TMEM132B: variants seen among roughly 807,000 people sequenced by gnomAD.
TMEM132B encodes the protein transmembrane protein 132B.
A neutral mutation model predicts 90.8 loss-of-function variants in TMEM132B; 18 were observed. The ratio of observed to expected loss-of-function variants is 0.20; its 90% CI spans 0.14 to 0.29. The LOEUF (loss-of-function observed/expected upper bound fraction) is 0.29. Among genes scored for constraint, TMEM132B ranks in the 10% least tolerant of loss-of-function variants. The probability of loss-of-function intolerance (pLI) is 1.00; values close to 1 mark genes in which losing one functional copy is unlikely to be tolerated. For missense variants in TMEM132B, 1,096 were observed against 1,326.8 expected (o/e 0.83, Z 2.70); for synonymous variants, 504 against 523.3 (o/e 0.96, Z 0.50).
At chr12:125,493,661 T>C (rs1260360497) in intron 3 of TMEM132B, among the ~76,000 whole-genome samples, 1 of 152,008 alleles carries the variant, frequency 6.6e-6, no homozygotes, top group Non-Finnish European at 1.5e-5. Context: ...TGCACTGGCA[T>C]TGATGGGAGA....
intron 2 of TMEM132B, among the ~76,000 whole-genome samples, chr12:125,378,783 G>A (rs1418590210): frequency 6.6e-6 from 1 of 152,206 alleles, no homozygotes; most frequent in East Asian, 1.9e-4. Flanking sequence ...CAAGTTTATA[G>A]GTCAATAAGG....
chr12:125,504,368 T>G (rs1882777127), intron 3 of TMEM132B, among the ~76,000 whole-genome samples: 1 of 152,002 alleles, frequency 6.6e-6, no homozygotes, highest in Non-Finnish European at 1.5e-5. Flanking sequence ...TCTGTCTCTC[T>G]TCCTCTCTTT....
intron 4 of TMEM132B, among the ~76,000 whole-genome samples, chr12:125,535,712 C>A (rs899798170): frequency 3.3e-5 from 5 of 152,120 alleles, no homozygotes; most frequent in African/African-American, 1.2e-4. Context: ...TAGAAAAGAC[C>A]AAGAGAGGGG....
intron 4 of TMEM132B, among the ~76,000 whole-genome samples, chr12:125,568,650 C>T (rs1884719361): frequency 6.6e-6 from 1 of 152,194 alleles, no homozygotes; most frequent in Non-Finnish European, 1.5e-5. Context: ...CCCCCTCTGG[C>T]TCTTTTGATG....
intron 4 of TMEM132B, among the ~76,000 whole-genome samples, chr12:125,538,451 A>G (rs1172678182): frequency 6.6e-6 from 1 of 152,196 alleles, no homozygotes; most frequent in Non-Finnish European, 1.5e-5. Flanking sequence ...GTGGCACTCT[A>G]GCAAGCACAT....
At chr12:125,306,307 T>C (rs1230554227) in intron 1 of TMEM132B, among the ~76,000 whole-genome samples, 1 of 152,226 alleles carries the variant, frequency 6.6e-6, no homozygotes, top group Non-Finnish European at 1.5e-5. Flanking sequence ...TCTTGGAGCC[T>C]CAGGTTTTAG....
intron 3 of TMEM132B, among the ~76,000 whole-genome samples, chr12:125,480,483 C>G (rs1882009465): frequency 6.6e-6 from 1 of 152,228 alleles, no homozygotes; most frequent in African/African-American, 2.4e-5. Context: ...ATAAACACCT[C>G]TACGCAAATA....
Position 125,186,542 on chromosome 12 carries a change from C to A in TMEM132B, c.-258C>A, listed in dbSNP as rs1044470380. Among the ~76,000 whole-genome samples, 2 of 146,736 alleles carry A rather than the reference C, an allele frequency of 1.4e-5. No individual in the cohort carries two copies. The highest frequency in any genetic ancestry group is 4.9e-5 in the African/African-American group (2 of 41,010). On this transcript the variant is annotated 5_prime_UTR_variant, in exon 1 of 9. Transcript: ENST00000682704. This position sits in a 1 kb window ranked among gnomAD's most constrained non-coding sequence, Gnocchi z 6.3. ...CAACTCGGGCCAACTGCGGGGCAGCCGGCCAGGGCGCGGGGCGCTGAGCCT... is the reference window on the plus strand; with the variant it reads ...CAACTCGGGCCAACTGCGGGGCAGCAGGCCAGGGCGCGGGGCGCTGAGCCT...
intron 3 of TMEM132B, among the ~76,000 whole-genome samples, chr12:125,501,591 C>G (rs556213062): frequency 1.2e-4 from 18 of 152,216 alleles, no homozygotes; most frequent in African/African-American, 3.4e-4. Flanking sequence ...CATGTGTTCT[C>G]ATTGTTCAGC....
intron 1 of TMEM132B, among the ~76,000 whole-genome samples, chr12:125,325,523 G>A (rs1385863288): frequency 3.9e-5 from 6 of 152,204 alleles, no homozygotes; most frequent in Admixed American, 6.5e-5. Context: ...CGCACGGATT[G>A]TGGCATTTGA....
intron 5 of TMEM132B, among the ~76,000 whole-genome samples, chr12:125,592,702 T>C (rs1885345553): frequency 6.6e-6 from 1 of 152,148 alleles, no homozygotes; most frequent in Non-Finnish European, 1.5e-5. Flanking sequence ...AAACTCTATA[T>C]GATCAAAGTT....
At chr12:125,568,973 C>A (rs182829040) in intron 4 of TMEM132B, among the ~76,000 whole-genome samples, 2 of 152,264 alleles carry the variant, frequency 1.3e-5, no homozygotes, top group Admixed American at 6.5e-5. Flanking sequence ...TCTGGGGCAG[C>A]GGTCAAGAGC....
intron 5 of TMEM132B, among the ~76,000 whole-genome samples, chr12:125,606,432 G>C (rs1019468824): frequency 2.2e-4 from 33 of 151,922 alleles, no homozygotes; most frequent in African/African-American, 6.5e-4. Context: ...ACACATGAGC[G>C]TACAGCTGTG....
intron 3 of TMEM132B, among the ~76,000 whole-genome samples, chr12:125,465,642 G>A (rs955639400): frequency 6.6e-6 from 1 of 152,160 alleles, no homozygotes; most frequent in Non-Finnish European, 1.5e-5. Flanking sequence ...ACAGCCTCTG[G>A]CTCTTAGCTG....
chr12:125,339,406 G>A (rs897407904), intron 1 of TMEM132B, among the ~76,000 whole-genome samples: 6 of 152,038 alleles, frequency 3.9e-5, no homozygotes, highest in South Asian at 2.1e-4. Flanking sequence ...TTATGAGGAC[G>A]CCAGTCCAAT....
chr12:125,534,349 C>G (rs1883736430), intron 4 of TMEM132B, among the ~76,000 whole-genome samples: 1 of 152,126 alleles, frequency 6.6e-6, no homozygotes, highest in Admixed American at 6.5e-5. Context: ...AGACTCCTAT[C>G]TCTACAAACA....
At chr12:125,365,806 A>G (rs755526153) in intron 2 of TMEM132B, among the ~76,000 whole-genome samples, 2 of 152,070 alleles carry the variant, frequency 1.3e-5, no homozygotes, top group Admixed American at 6.6e-5. Context: ...AAAATGTGTA[A>G]TTATCAAATC....
intron 1 of TMEM132B, among the ~76,000 whole-genome samples, chr12:125,297,787 A>G (rs1875708835): frequency 6.6e-6 from 1 of 152,060 alleles, no homozygotes; most frequent in Non-Finnish European, 1.5e-5. Context: ...GAGTGAGTGG[A>G]CCCATAAATG....
At chr12:125,538,961 C>G (rs1392276665) in intron 4 of TMEM132B, among the ~76,000 whole-genome samples, 1 of 152,138 alleles carries the variant, frequency 6.6e-6, no homozygotes, top group African/African-American at 2.4e-5. Flanking sequence ...CCATTCACTC[C>G]GTCTCCACTG....
Sources: gnomAD v4.1 joint callset for allele counts (sites outside exome capture counted in the v4.1 genomes callset) on GRCh38, gnomAD v4.1.1 for gene constraint, Gnocchi (gnomAD v3.1) non-coding constraint, MANE v1.5 for transcripts, NCBI Gene and HGNC (gene_info 2026-07-23, HGNC 2026-07-21) for gene names.